WRN: variants seen among roughly 807,000 people sequenced by gnomAD.
WRN encodes the protein WRN RecQ like helicase, also known as bifunctional 3'-5' exonuclease/ATP-dependent helicase WRN.
A neutral mutation model predicts 180.7 loss-of-function variants in WRN; 149 were observed. The ratio of observed to expected loss-of-function variants is 0.82; its 90% CI spans 0.72 to 0.94. The LOEUF (loss-of-function observed/expected upper bound fraction) is 0.94, where lower values mean the gene tolerates loss of function less well. WRN is among the 40% of genes least tolerant of loss of function. The probability of loss-of-function intolerance (pLI) is 0.00; values close to 1 mark genes in which losing one functional copy is unlikely to be tolerated. For missense variants in WRN, 1,661 were observed against 1,700.1 expected, an observed-to-expected ratio of 0.98 and a Z score of 0.40; for synonymous variants, 548 against 568.9, an observed-to-expected ratio of 0.96 and a Z score of 0.52.
At chr8:31,083,381 G>C (rs778989775) in intron 9 of WRN, among the ~76,000 whole-genome samples, 5 of 152,180 alleles carry the variant, frequency 3.3e-5, no homozygotes, top group Non-Finnish European at 7.3e-5. Flanking sequence ...AAGTTTGGGA[G>C]ACACAGTGTG....
At chr8:31,065,130 A>G (rs953830635) in intron 5 of WRN, 67 bp downstream of exon 5, 9 of 1,519,520 alleles carry the variant, frequency 5.9e-6, no homozygotes, top group Admixed American at 3.8e-5. Flanking sequence ...TGTACTTTCT[A>G]TCTGAATGTT....
intron 19 of WRN, 38 bp downstream of exon 19, chr8:31,111,837 T>TC (rs1801332172): frequency 1.3e-6 from 2 of 1,598,514 alleles, no homozygotes; most frequent in African/African-American, 2.8e-5. Flanking sequence ...GGTAATGATT[T>TC]CCTTTTTTTT....
At chr8:31,075,395 T>C (rs1563335400) in intron 7 of WRN, among the ~76,000 whole-genome samples, 2 of 152,056 alleles carry the variant, frequency 1.3e-5, no homozygotes, top group Non-Finnish European at 2.9e-5. Context: ...AATTTGGAAG[T>C]TGATCACTGA....
At position 31,111,531 on chromosome 8, in the gene WRN, C is replaced by T. The variant is rs138605341; in HGVS notation, c.2089-84C>T. The T allele has an allele frequency of 9.9e-6, 15 of 1,512,184 alleles. No individual in the cohort carries two copies. In the Middle Eastern group the frequency reaches 7.8e-4, roughly 78 times the overall value. The allele number at this position is 1,512,184 out of a possible 1,614,324, so 93.7% of individuals were successfully genotyped here. ...CATTGTACCACAAACTGTTGTCCTA[C>T]CAGTCTCTTTGTAAGAAAGCTATAG... On this transcript the variant is annotated intron_variant, in intron 18 of 34. Transcript: ENST00000298139.
chr8:31,139,999 CTTTGTTTTTT>C (rs1802549030), intron 24 of WRN, among the ~76,000 whole-genome samples: 6 of 74,704 alleles, frequency 8.0e-5, no homozygotes, highest in African/African-American at 3.2e-4. Context: ...TTGTATACTT[CTTTGTTTTTT>C]TTTTTTTTTT....
intron 1 of WRN, among the ~76,000 whole-genome samples, chr8:31,039,099 A>C (rs1811554009): frequency 6.6e-6 from 1 of 152,146 alleles, no homozygotes; most frequent in African/African-American, 2.4e-5. Context: ...CACCTTTTCC[A>C]TTTCTGCAGA....
intron 33 of WRN, 86 bp downstream of exon 33, chr8:31,157,616 T>A (rs1803439978): frequency 6.8e-6 from 10 of 1,467,742 alleles, no homozygotes; most frequent in African/African-American, 1.4e-5. Context: ...TTAACAGCAT[T>A]AATCCTTTAT....
chr8:31,098,597 C>A (rs187224809), intron 17 of WRN, among the ~76,000 whole-genome samples: 3 of 152,032 alleles, frequency 2.0e-5, no homozygotes, highest in Non-Finnish European at 4.4e-5. Flanking sequence ...CCTTTTGTTG[C>A]GGGAAATTGT....
chr8:31,111,816 T>A lies in WRN; in HGVS notation c.2273+17T>A, dbSNP rs896344664. The A allele has an allele frequency of 6.2e-7, 1 of 1,613,050 alleles. No individual in the cohort carries two copies. Among genetic ancestry groups the A allele is most frequent in the Non-Finnish European group, 8.5e-7 (1 of 1,179,720 alleles). On this transcript the variant is annotated intron_variant, in intron 19 of 34. Coordinates refer to ENST00000298139, the MANE Select transcript of WRN (RefSeq NM_000553.6). ...CAAAACAAGGTAAGGATTTAATGGTTGATGAATTTTGGTAATGATTTCCTT... is the reference window on the plus strand; with the variant it reads ...CAAAACAAGGTAAGGATTTAATGGTAGATGAATTTTGGTAATGATTTCCTT...
At position 31,157,531 on chromosome 8, in the gene WRN, G is replaced by T. The variant is rs1381370500; in HGVS notation, c.3982+1G>T. ...ATCCGAAACCCTCCCGTCAACTCAG[G>T]TGAGAGGCATGGCCTAGCTCTGCAC... On this transcript the variant is annotated splice_donor_variant, in intron 33 of 34. Coordinates refer to ENST00000298139, the MANE Select transcript of WRN (RefSeq NM_000553.6). LOFTEE classifies it high-confidence loss of function. 1 of 1,614,046 alleles carries T rather than the reference G, an allele frequency of 6.2e-7. No individual in the cohort carries two copies. The highest frequency in any genetic ancestry group is 1.3e-5 in the African/African-American group (1 of 75,042).
At chr8:31,061,243 T>G (rs1812473760) in intron 3 of WRN, among the ~76,000 whole-genome samples, 1 of 152,148 alleles carries the variant, frequency 6.6e-6, no homozygotes, top group Admixed American at 6.5e-5. Context: ...ATTTTTTTCT[T>G]CTGTAGTGTC....
intron 1 of WRN, among the ~76,000 whole-genome samples, chr8:31,041,412 C>T (rs1297121095): frequency 1.3e-5 from 2 of 152,206 alleles, no homozygotes; most frequent in African/African-American, 4.8e-5. Flanking sequence ...CTGCTTTACT[C>T]AGTCTACTGA....
In WRN at chr8:31,132,384, A is replaced by G. The variant is rs1182700898; in HGVS notation, c.2845A>G (p.Met949Val). Residue 949 changes from methionine to valine, a missense_variant, in exon 24 of 35, where the codon ATG becomes GTG. Physicochemically the swap from Met to Val is conservative, Grantham distance 21. Around this residue, in one of 3 missense-constraint regions of WRN, gnomAD observed 1,141 missense variants for 1,149.4 expected, o/e 0.99. Transcript: ENST00000298139. ...ATTTAGATTGGATCATTGCTATTCC[A>G]TGGATGACTCAGAGGATACATCCTG... is the stretch of plus-strand genomic sequence containing the variant. ...CRSRLDHCYS[M>V]DDSEDTSWDF... 6.2e-7 allele frequency: 1 copy of G among 1,613,954 alleles called. No individual in the cohort carries two copies. Among genetic ancestry groups the G allele is most frequent in the East Asian group, 2.2e-5 (1 of 44,868 alleles).
chr8:31,149,481 T>G lies in WRN; in HGVS notation c.3573-860T>G, dbSNP rs1481176383. Among the ~76,000 whole-genome samples the G allele has an allele frequency of 1.4e-4, 10 of 73,664 alleles. 1 individual carries two copies. Among genetic ancestry groups the G allele is most frequent in the Non-Finnish European group, 2.0e-4 (7 of 34,428 alleles). 48.3% of individuals were successfully genotyped at this position (73,664 alleles called of 152,430 possible). A position where few individuals can be genotyped will look rare whatever the true frequency, so the allele number is the denominator to read the frequency against. On this transcript the variant is annotated intron_variant, in intron 30 of 34. Transcript: ENST00000298139. Reference sequence around the variant, plus strand: ...TTTTTTTTTTTTTTTTTTTTTTTTTTTTTTTTTTTTGGTGATAGAGTCTCA... The same window carrying G: ...TTTTTTTTTTTTTTTTTTTTTTTTTGTTTTTTTTTTGGTGATAGAGTCTCA...
At chr8:31,087,962 CT>C in intron 12 of WRN, 42 bp downstream of exon 12, 3 of 1,596,972 alleles carry the variant, frequency 1.9e-6, no homozygotes, top group Non-Finnish European at 2.6e-6. Context: ...CCTGTGATAC[CT>C]ACCACTGACT....
chr8:31,127,582 C>CT (rs1297010218), intron 23 of WRN, among the ~76,000 whole-genome samples: 1 of 151,578 alleles, frequency 6.6e-6, no homozygotes, highest in Non-Finnish European at 1.5e-5. Flanking sequence ...TTTTATGCAC[C>CT]TTTAAAAAAA....
At chr8:31,106,320 T>G (rs1801094772) in intron 18 of WRN, among the ~76,000 whole-genome samples, 1 of 152,080 alleles carries the variant, frequency 6.6e-6, no homozygotes, top group African/African-American at 2.4e-5. Context: ...GAGTGATACT[T>G]TAAAAATGAA....
intron 7 of WRN, among the ~76,000 whole-genome samples, chr8:31,069,989 A>G (rs1812845537): frequency 6.6e-6 from 1 of 152,062 alleles, no homozygotes; most frequent in African/African-American, 2.4e-5. Flanking sequence ...CAGTACTGGA[A>G]GTCCTGGTAT....
chr8:31,163,440 A>G lies in WRN; in HGVS notation c.3983-3582A>G, dbSNP rs548411446. Reference sequence around the variant, plus strand: ...AGTGTGAGGCTTAGAGAGTTATAAAACTGTTTTAATACCATGTCTAAGATT... The same window carrying G: ...AGTGTGAGGCTTAGAGAGTTATAAAGCTGTTTTAATACCATGTCTAAGATT... On this transcript the variant is annotated intron_variant, in intron 33 of 34. Coordinates refer to ENST00000298139, the MANE Select transcript of WRN (RefSeq NM_000553.6). Among the ~76,000 whole-genome samples the G allele has an allele frequency of 1.7e-4, 26 of 152,082 alleles. No individual in the cohort carries two copies. The South Asian group carries it at 5.4e-3, about 32-fold the overall frequency.
Sources: gnomAD v4.1 joint callset for allele counts (sites outside exome capture counted in the v4.1 genomes callset) on GRCh38, gnomAD v4.1.1 for gene constraint, gnomAD v4.1.1 regional missense constraint, MANE v1.5 for transcripts, NCBI Gene and HGNC (gene_info 2026-07-23, HGNC 2026-07-21) for gene names.